The following GSPT1 variants were observed in gnomAD, a reference collection of about 807,000 sequenced individuals.
The protein encoded by GSPT1 is G1 to S phase transition 1.
In GSPT1, 20 loss-of-function variants were observed where a neutral mutation model predicts 72.5. The observed-to-expected ratio is 0.28, with a 90% CI of 0.19 to 0.40. The LOEUF (loss-of-function observed/expected upper bound fraction) is 0.40, where lower values mean the gene tolerates loss of function less well. Ranked by LOEUF, GSPT1 falls within the 10% of genes least tolerant of loss-of-function variation. The pLI, the probability that GSPT1 is intolerant of heterozygous loss-of-function variation, is 1.00. For missense variants in GSPT1, 580 were observed against 811.9 expected (o/e 0.71, Z 3.47); for synonymous variants, 334 against 293.5 (o/e 1.14, Z -1.41).
intron 14 of GSPT1, among the ~76,000 whole-genome samples, chr16:11,873,801 C>G (rs1486034106): frequency 6.6e-6 from 1 of 152,164 alleles, no homozygotes; most frequent in Admixed American, 6.5e-5. Flanking sequence ...GTTGGCCAGG[C>G]TGGTCTTGAA....
chr16:11,879,926 A>G (rs924092434), intron 11 of GSPT1, among the ~76,000 whole-genome samples: 1 of 152,220 alleles, frequency 6.6e-6, no homozygotes, highest in Non-Finnish European at 1.5e-5. Context: ...GTACACCTAA[A>G]TTAAATACAT....
intron 1 of GSPT1, 149 bp downstream of exon 1, chr16:11,915,220 G>C (rs1006351121): frequency 1.7e-4 from 197 of 1,129,862 alleles, no homozygotes; most frequent in Middle Eastern, 7.5e-4. Context: ...CGGCTCCCGG[G>C]CTCGGGGCGC....
chr16:11,883,459 C>CAA (rs66922380), intron 10 of GSPT1, among the ~76,000 whole-genome samples: 5 of 66,458 alleles, frequency 7.5e-5, no homozygotes, highest in Non-Finnish European at 1.4e-4. Context: ...ACTAAAAATA[C>CAA]AAAAAAAAAA....
intron 1 of GSPT1, among the ~76,000 whole-genome samples, chr16:11,902,155 G>A (rs1301992063): frequency 4.0e-5 from 6 of 151,474 alleles, no homozygotes; most frequent in African/African-American, 9.7e-5. Flanking sequence ...GGCCGAGGCG[G>A]GTGGATCACA....
intron 11 of GSPT1, among the ~76,000 whole-genome samples, chr16:11,878,085 G>A (rs2054069635): frequency 6.6e-6 from 1 of 152,108 alleles, no homozygotes; most frequent in Admixed American, 6.6e-5. Context: ...AAATGGTCTG[G>A]AATTAGATAG....
chr16:11,901,570 G>C (rs1382691155), intron 1 of GSPT1, among the ~76,000 whole-genome samples: 1 of 151,716 alleles, frequency 6.6e-6, no homozygotes, highest in African/African-American at 2.4e-5. Flanking sequence ...GAAAAACTAA[G>C]TTTGAGACCA....
In GSPT1 at chr16:11,869,672, C is replaced by T. The variant is rs1282138896; in HGVS notation, c.*3447G>A. 6.6e-6 allele frequency: 1 copy of T among 152,214 alleles called. No homozygotes were observed. The highest frequency in any genetic ancestry group is 2.4e-5 in the African/African-American group (1 of 41,442). The allele number at this position is 152,214 out of a possible 1,614,324, so 9.4% of individuals were successfully genotyped here. A position where few individuals can be genotyped will look rare whatever the true frequency, so the allele number is the denominator to read the frequency against. On this transcript the variant is annotated 3_prime_UTR_variant, in exon 15 of 15. Coordinates refer to ENST00000434724, the MANE Select transcript of GSPT1 (RefSeq NM_002094.4). ...TAAATCCCTACCCAAAGCAATGAAG[C>T]TATCATCCATGAAGTAGCAGTCCAT...
intron 1 of GSPT1, chr16:11,915,135 G>A (rs1275183885): frequency 9.4e-7 from 1 of 1,065,014 alleles, no homozygotes; most frequent in Non-Finnish European, 1.1e-6. Flanking sequence ...GGCGGCACTC[G>A]GGTCCGGGTC....
chr16:11,885,986 GA>G (rs1315262167), intron 9 of GSPT1, among the ~76,000 whole-genome samples: 1 of 151,980 alleles, frequency 6.6e-6, no homozygotes. Flanking sequence ...TCAATTCAAT[GA>G]AAAAAGAATA....
chr16:11,879,062 G>C (rs1280494108), intron 11 of GSPT1, among the ~76,000 whole-genome samples: 1 of 148,298 alleles, frequency 6.7e-6, no homozygotes, highest in Non-Finnish European at 1.5e-5. Context: ...GGCAATAAGA[G>C]CGAAACTCCA....
At chr16:11,889,571 C>T (rs1247064050) in intron 6 of GSPT1, among the ~76,000 whole-genome samples, 2 of 150,784 alleles carry the variant, frequency 1.3e-5, no homozygotes, top group African/African-American at 4.9e-5. Context: ...GCAGCAGCAC[C>T]ATCTCGGCTC....
chr16:11,890,959 G>A lies in GSPT1; in HGVS notation c.776+103C>T, dbSNP rs931726051. 7.2e-5 allele frequency: 45 copies of A among 621,592 alleles called. 1 individual carries two copies. Among genetic ancestry groups the A allele is most frequent in the South Asian group, 6.9e-4 (37 of 53,964 alleles). 38.5% of individuals were successfully genotyped at this position (621,592 alleles called of 1,614,324 possible). A position where few individuals can be genotyped will look rare whatever the true frequency, so the allele number is the denominator to read the frequency against. ...GGGGAAATTTCCTTTGTTGTGATAC[G>A]ATTTTAGACTTCAACAATTTATATT... On this transcript the variant is annotated intron_variant, in intron 6 of 14. Transcript: ENST00000434724.
chr16:11,913,849 C>G (rs1448585995), intron 1 of GSPT1, among the ~76,000 whole-genome samples: 1 of 152,202 alleles, frequency 6.6e-6, no homozygotes, highest in African/African-American at 2.4e-5. Flanking sequence ...AGTGCTCGAT[C>G]TCCTCAAAAG....
chr16:11,908,596 T>C (rs2054517993), intron 1 of GSPT1: 1 of 106,206 alleles, frequency 9.4e-6, no homozygotes, highest in African/African-American at 4.9e-5. Flanking sequence ...CCGTCTCTAC[T>C]AAAAATACAA....
chr16:11,879,381 G>A (rs1353559318), intron 11 of GSPT1, among the ~76,000 whole-genome samples: 3 of 151,124 alleles, frequency 2.0e-5, no homozygotes, highest in Non-Finnish European at 4.4e-5. Context: ...GCCACAGAAG[G>A]AGACTCCGTC....
intron 1 of GSPT1, among the ~76,000 whole-genome samples, chr16:11,906,666 T>C (rs1186315752): frequency 6.6e-6 from 1 of 152,122 alleles, no homozygotes; most frequent in Admixed American, 6.6e-5. Flanking sequence ...AAATTTTAAA[T>C]TAACTATGTG....
Position 11,911,854 on chromosome 16 carries a change from A to ATTTTTTTTTTTTTTTTTT in GSPT1, c.352+3497_352+3514dup, listed in dbSNP as rs1158026034. ...GGCATGAGCCACTGCACCCAGCTGT[A>ATTTTTTTTTTTTTTTTTT]TTTTTTTTTTTTTTTTTTTTTTTTT... On this transcript the variant is annotated intron_variant, in intron 1 of 14. Coordinates refer to ENST00000434724, the MANE Select transcript of GSPT1 (RefSeq NM_002094.4). Among the ~76,000 whole-genome samples the ATTTTTTTTTTTTTTTTTT allele has an allele frequency of 2.4e-4, 11 of 45,408 alleles. 1 individual carries two copies. Among genetic ancestry groups the ATTTTTTTTTTTTTTTTTT allele is most frequent in the Admixed American group, 7.6e-4 (2 of 2,636 alleles). 29.8% of individuals were successfully genotyped at this position (45,408 alleles called of 152,430 possible).
At chr16:11,903,673 GGT>G (rs2054446580) in intron 1 of GSPT1, among the ~76,000 whole-genome samples, 1 of 152,120 alleles carries the variant, frequency 6.6e-6, no homozygotes, top group African/African-American at 2.4e-5. Context: ...CCTGGACCAC[GGT>G]GTGAGACCCT....
intron 14 of GSPT1, among the ~76,000 whole-genome samples, chr16:11,874,045 C>A (rs1006272420): frequency 6.6e-6 from 1 of 151,990 alleles, no homozygotes; most frequent in African/African-American, 2.4e-5. Context: ...GACAAAGGAC[C>A]ACATAATTTA....
Sources: allele counts gnomAD v4.1 joint callset (sites outside exome capture counted in the v4.1 genomes callset), GRCh38; gene constraint gnomAD v4.1.1; transcripts MANE v1.5; gene names NCBI Gene and HGNC (gene_info 2026-07-23, HGNC 2026-07-21).